The following DCC variants were observed in gnomAD, a reference collection of about 807,000 sequenced individuals.
DCC encodes netrin receptor DCC.
DCC carries 58 observed loss-of-function variants against 172.5 expected under a neutral mutation model. The observed-to-expected ratio is 0.34, with a 90% CI of 0.27 to 0.42. DCC has a LOEUF of 0.42. DCC is among the 10% of genes least tolerant of loss of function. DCC has a pLI of 1.00. For missense variants in DCC, 1,740 were observed against 1,791.0 expected (o/e 0.97, Z 0.51); for synonymous variants, 709 against 644.5 (o/e 1.10, Z -1.52).
intron 1 of DCC, among the ~76,000 whole-genome samples, chr18:52,700,227 TG>T (rs2036091162): frequency 9.0e-6 from 1 of 110,842 alleles, no homozygotes; most frequent in Non-Finnish European, 1.9e-5. Context: ...TGCACACACA[TG>T]CACACTCACA....
chr18:52,671,426 C>T (rs575919886), intron 1 of DCC, among the ~76,000 whole-genome samples: 3 of 151,988 alleles, frequency 2.0e-5, no homozygotes, highest in African/African-American at 7.2e-5. Flanking sequence ...TGATCTCTTT[C>T]CAATATGCCT....
At chr18:53,435,908 G>T (rs1911911123) in intron 22 of DCC, among the ~76,000 whole-genome samples, 2 of 152,104 alleles carry the variant, frequency 1.3e-5, no homozygotes, top group Admixed American at 6.6e-5. Context: ...ATTTTCAGGG[G>T]ACTAATGTAT....
At chr18:53,190,594 T>G (rs964495573) in intron 9 of DCC, among the ~76,000 whole-genome samples, 3 of 152,112 alleles carry the variant, frequency 2.0e-5, no homozygotes, top group African/African-American at 4.8e-5. Context: ...GTTAAAATTC[T>G]TATTAATTCA....
At chr18:52,946,143 ACT>A (rs2040541206) in intron 5 of DCC, among the ~76,000 whole-genome samples, 1 of 151,868 alleles carries the variant, frequency 6.6e-6, no homozygotes, top group African/African-American at 2.4e-5. Flanking sequence ...CAACTTTTAA[ACT>A]CTGTGTCCAC....
intron 7 of DCC, among the ~76,000 whole-genome samples, chr18:53,110,973 A>C (rs1214725900): frequency 9.1e-5 from 11 of 121,010 alleles, no homozygotes; most frequent in Non-Finnish European, 1.7e-4. Context: ...GGCACTATTC[A>C]CAATAGCAAA....
chr18:52,727,873 C>T (rs2036575930), intron 1 of DCC, among the ~76,000 whole-genome samples: 1 of 152,056 alleles, frequency 6.6e-6, no homozygotes, highest in Non-Finnish European at 1.5e-5. Context: ...TTTGAAAACC[C>T]AGAACAATGT....
intron 26 of DCC, among the ~76,000 whole-genome samples, chr18:53,494,211 C>T (rs960884882): frequency 6.6e-6 from 1 of 152,058 alleles, no homozygotes; most frequent in African/African-American, 2.4e-5. Context: ...ATTTCCGTTC[C>T]TTTCCATTTG....
At chr18:53,095,200 T>TC (rs1292122825) in intron 7 of DCC, among the ~76,000 whole-genome samples, 2 of 152,220 alleles carry the variant, frequency 1.3e-5, no homozygotes, top group African/African-American at 4.8e-5. Flanking sequence ...ATTCCAATTG[T>TC]TATTGCCAGT....
At chr18:52,712,020 G>A (rs1040709214) in intron 1 of DCC, among the ~76,000 whole-genome samples, 2 of 151,714 alleles carry the variant, frequency 1.3e-5, no homozygotes, top group African/African-American at 4.8e-5. Context: ...GGAGTGCAGT[G>A]GTGTGACCTT....
intron 12 of DCC, among the ~76,000 whole-genome samples, chr18:53,284,945 T>G (rs75842726): frequency 0.046 from 7,051 of 152,186 alleles, 571 homozygotes; most frequent in African/African-American, 0.16. Context: ...CCCTAGAGAT[T>G]TGTAGAACTT....
chr18:52,506,294 A>G (rs1275734779), intron 1 of DCC, among the ~76,000 whole-genome samples: 1 of 152,174 alleles, frequency 6.6e-6, no homozygotes, highest in Non-Finnish European at 1.5e-5. Context: ...TCACGATTCA[A>G]TATAAAATCC....
At position 52,699,064 on chromosome 18, in the gene DCC, A is replaced by G. The variant is rs2036061743; in HGVS notation, c.92-52990A>G. Reference sequence around the variant, plus strand: ...GGGTAAATAAGTGAATAACTGAATGAACATGTGTGCTCTTTCCCAAGGTTT... The same window carrying G: ...GGGTAAATAAGTGAATAACTGAATGGACATGTGTGCTCTTTCCCAAGGTTT... On this transcript the variant is annotated intron_variant, in intron 1 of 28. Transcript: ENST00000442544. Among the ~76,000 whole-genome samples the G allele has an allele frequency of 3.3e-5, 5 of 152,190 alleles. No homozygotes were observed. The South Asian group carries it at 8.3e-4, about 25-fold the overall frequency.
In DCC at chr18:52,427,249, C is replaced by G. The variant is rs142246528; in HGVS notation, c.91+86371C>G. Reference sequence around the variant, plus strand: ...CCAAAGTCACATAGCTACCTAGTGCCAAATCCAGAATTAGAACTGAGATCT... The same window carrying G: ...CCAAAGTCACATAGCTACCTAGTGCGAAATCCAGAATTAGAACTGAGATCT... On this transcript the variant is annotated intron_variant, in intron 1 of 28. Transcript: ENST00000442544. Among the ~76,000 whole-genome samples the G allele has an allele frequency of 2.1e-4, 32 of 152,186 alleles. 1 individual carries two copies. The East Asian group carries it at 6.2e-3, about 29-fold the overall frequency.
At chr18:53,251,615 T>C (rs756279150) in intron 12 of DCC, among the ~76,000 whole-genome samples, 22 of 151,974 alleles carry the variant, frequency 1.4e-4, no homozygotes, top group Non-Finnish European at 2.6e-4. Flanking sequence ...TGAAATCACA[T>C]ACTCTTTTTT....
intron 15 of DCC, among the ~76,000 whole-genome samples, chr18:53,356,588 T>G (rs559339152): frequency 6.6e-6 from 1 of 152,288 alleles, no homozygotes; most frequent in African/African-American, 2.4e-5. Context: ...AGTTACATGG[T>G]TGTCCATCTG....
chr18:52,906,342 C>G lies in DCC; in HGVS notation c.697+14C>G, dbSNP rs1433903219. 6.2e-7 allele frequency: 1 copy of G among 1,613,070 alleles called. No homozygotes were observed. The highest frequency in any genetic ancestry group is 8.5e-7 in the Non-Finnish European group (1 of 1,179,396). ...GAATTTTATCAGGTATTGCAATGCTCTTTGTTGCCTTCAGAATGATATTCT... is the reference window on the plus strand; with the variant it reads ...GAATTTTATCAGGTATTGCAATGCTGTTTGTTGCCTTCAGAATGATATTCT... On this transcript the variant is annotated intron_variant, in intron 3 of 28. Coordinates refer to ENST00000442544, the MANE Select transcript of DCC (RefSeq NM_005215.4).
At chr18:52,945,918 A>G (rs539549649) in intron 5 of DCC, among the ~76,000 whole-genome samples, 2 of 152,344 alleles carry the variant, frequency 1.3e-5, no homozygotes, top group East Asian at 1.9e-4. Context: ...CTGGAAAACT[A>G]GAAGACATGG....
chr18:53,436,012 A>G (rs546467078), intron 22 of DCC, among the ~76,000 whole-genome samples: 4 of 152,332 alleles, frequency 2.6e-5, no homozygotes, highest in African/African-American at 9.6e-5. Flanking sequence ...TGTGAAGATG[A>G]ACACTTGTAT....
chr18:53,186,122 C>T (rs543343590), intron 9 of DCC, among the ~76,000 whole-genome samples: 6 of 152,208 alleles, frequency 3.9e-5, no homozygotes, highest in East Asian at 1.9e-4. Context: ...GCACACAGTA[C>T]GATTCAGGCT....
Sources: gnomAD v4.1 joint callset for allele counts (sites outside exome capture counted in the v4.1 genomes callset) on GRCh38, gnomAD v4.1.1 for gene constraint, MANE v1.5 for transcripts, NCBI Gene and HGNC (gene_info 2026-07-23, HGNC 2026-07-21) for gene names.